The following CNGB3 variants were observed in gnomAD, a reference collection of about 807,000 sequenced individuals.
CNGB3 encodes cyclic nucleotide-gated channel beta-3.
CNGB3 carries 86 observed loss-of-function variants against 92.8 expected under a neutral mutation model. The ratio of observed to expected loss-of-function variants is 0.93; its 90% CI spans 0.78 to 1.11. The LOEUF (loss-of-function observed/expected upper bound fraction) is 1.11, where lower values mean the gene tolerates loss of function less well. Ranked by LOEUF, CNGB3 falls within the 50% of genes least tolerant of loss-of-function variation. The pLI is 0.00. For synonymous variants in CNGB3, 333 were observed against 332.7 expected (o/e 1.00, Z -0.01); for missense variants, 1,026 against 956.8 (o/e 1.07, Z -0.95).
intron 1 of CNGB3, among the ~76,000 whole-genome samples, chr8:86,743,098 G>A (rs1825369940): frequency 6.6e-6 from 1 of 152,056 alleles, no homozygotes; most frequent in African/African-American, 2.4e-5. Context: ...GCTCTCAATT[G>A]AGAGCCAATA....
chr8:86,630,889 G>T (rs1286404282), intron 11 of CNGB3, among the ~76,000 whole-genome samples: 1 of 152,098 alleles, frequency 6.6e-6, no homozygotes, highest in Admixed American at 6.6e-5. Context: ...AAAAAAGAGT[G>T]ATGATTAGTT....
In CNGB3 at chr8:86,628,229, C is replaced by T. The variant is rs545785206; in HGVS notation, c.1480+690G>A. Among the ~76,000 whole-genome samples the T allele has an allele frequency of 7.7e-4, 117 of 152,188 alleles. 1 individual carries two copies. In the South Asian group the frequency reaches 0.012, roughly 15 times the overall value. Reference sequence around the variant, plus strand: ...TTGCCTAGGCTGGAGTGTAGTGGTGCATCACCACATTCTGCTAATTTTTGT... The same window carrying T: ...TTGCCTAGGCTGGAGTGTAGTGGTGTATCACCACATTCTGCTAATTTTTGT... On this transcript the variant is annotated intron_variant, in intron 12 of 17. Transcript: ENST00000320005.
chr8:86,640,409 A>T (rs921185119), intron 10 of CNGB3, among the ~76,000 whole-genome samples: 1 of 152,094 alleles, frequency 6.6e-6, no homozygotes, highest in African/African-American at 2.4e-5. Context: ...TTTATCTGCC[A>T]TTCCAAGAAA....
At chr8:86,640,353 AATT>A (rs1444526707) in intron 10 of CNGB3, among the ~76,000 whole-genome samples, 1 of 152,098 alleles carries the variant, frequency 6.6e-6, no homozygotes, top group Non-Finnish European at 1.5e-5. Context: ...AGCAAAATGG[AATT>A]ACTCATGCTG....
At position 86,660,042 on chromosome 8, in the gene CNGB3, C is replaced by A. The variant is rs941708369; in HGVS notation, c.853-5980G>T. ...GGTGCCGCCATGCTAGTGAGACTGG[C>A]ACCAGGGGAAGAGACACCACCAGCT... is the stretch of plus-strand genomic sequence containing the variant. On this transcript the variant is annotated intron_variant, in intron 6 of 17. Transcript: ENST00000320005. 18 of 331,834 alleles carry A rather than the reference C, an allele frequency of 5.4e-5. No individual in the cohort carries two copies. In the Admixed American group the frequency reaches 7.0e-4, roughly 13 times the overall value. 20.6% of individuals were successfully genotyped at this position (331,834 alleles called of 1,614,324 possible). A position where few individuals can be genotyped will look rare whatever the true frequency, so the allele number is the denominator to read the frequency against.
chr8:86,725,021 G>T (rs527999137), intron 3 of CNGB3, among the ~76,000 whole-genome samples: 1 of 152,068 alleles, frequency 6.6e-6, no homozygotes, highest in African/African-American at 2.4e-5. Context: ...TAATTGAAAG[G>T]TTTCCACTTC....
intron 11 of CNGB3, 58 bp from the exon 12 acceptor site, chr8:86,629,136 C>G: frequency 1.3e-6 from 2 of 1,570,016 alleles, no homozygotes; most frequent in Non-Finnish European, 1.8e-6. Flanking sequence ...TAATAAAAGT[C>G]AAATTACATG....
chr8:86,586,537 C>G (rs1563715863), intron 15 of CNGB3, among the ~76,000 whole-genome samples: 1 of 142,056 alleles, frequency 7.0e-6, no homozygotes, highest in Admixed American at 7.4e-5. Context: ...CTTCCTGTGT[C>G]CATGTGATCT....
intron 3 of CNGB3, among the ~76,000 whole-genome samples, chr8:86,676,704 C>A (rs559770909): frequency 2.0e-5 from 3 of 152,074 alleles, no homozygotes; most frequent in Non-Finnish European, 4.4e-5. Context: ...TTGTGTCCAC[C>A]TGGAACCTCA....
chr8:86,583,438 T>C (rs1401493164), intron 15 of CNGB3, among the ~76,000 whole-genome samples: 1 of 152,084 alleles, frequency 6.6e-6, no homozygotes, highest in Non-Finnish European at 1.5e-5. Context: ...ACCATTAAAC[T>C]TTAAAAAATA....
intron 12 of CNGB3, among the ~76,000 whole-genome samples, chr8:86,627,749 C>T (rs374621254): frequency 2.0e-5 from 3 of 152,186 alleles, no homozygotes; most frequent in South Asian, 4.1e-4. Context: ...CTCATGGAAG[C>T]AATTGTGTGC....
intron 10 of CNGB3, among the ~76,000 whole-genome samples, chr8:86,642,073 A>G (rs1823199496): frequency 6.6e-6 from 1 of 151,628 alleles, no homozygotes; most frequent in Admixed American, 6.6e-5. Context: ...ATATACCTAT[A>G]TATTGTCTAT....
At position 86,596,315 on chromosome 8, in the gene CNGB3, A is replaced by G. The variant is rs2131552071; in HGVS notation, c.1781+7778T>C. On this transcript the variant is annotated intron_variant, in intron 15 of 17. Transcript: ENST00000320005. The stretch of plus-strand genomic sequence containing the variant: ...AATTGGTTCAATTTTTTTCTGGAAA[A>G]TAATCTGCCCATATATTACAAGAGT... Among the ~76,000 whole-genome samples, 4 of 152,352 alleles carry G rather than the reference A, an allele frequency of 2.6e-5. 1 individual carries two copies. Among genetic ancestry groups the G allele is most frequent in the Admixed American group, 2.6e-4 (4 of 15,298 alleles).
In CNGB3 at chr8:86,693,352, C is replaced by G. The variant is rs1258877102; in HGVS notation, c.339-22254G>C. On this transcript the variant is annotated intron_variant, in intron 3 of 17. Coordinates refer to ENST00000320005, the MANE Select transcript of CNGB3 (RefSeq NM_019098.5). ...AAACTTTTGGATTTCTCTTCTTACT[C>G]AGGAACAACAATTATGTTTTGTTGT... Among the ~76,000 whole-genome samples the G allele has an allele frequency of 1.5e-4, 23 of 151,752 alleles. 1 individual carries two copies. The highest frequency in any genetic ancestry group is 1.5e-3 in the Admixed American group (23 of 15,244).
chr8:86,705,499 G>C (rs1330986183), intron 3 of CNGB3, among the ~76,000 whole-genome samples: 2 of 151,984 alleles, frequency 1.3e-5, no homozygotes, highest in Admixed American at 6.6e-5. Context: ...AGGTTACAGA[G>C]TTTAACATGG....
chr8:86,643,463 T>TTTC (rs1823231251), intron 10 of CNGB3, among the ~76,000 whole-genome samples: 2 of 151,474 alleles, frequency 1.3e-5, no homozygotes, highest in African/African-American at 4.8e-5. Context: ...CTCTGTTATC[T>TTTC]TTCCACTCTC....
At chr8:86,737,063 G>A (rs751183672) in intron 2 of CNGB3, among the ~76,000 whole-genome samples, 13 of 152,070 alleles carry the variant, frequency 8.5e-5, no homozygotes, top group Non-Finnish European at 1.8e-4. Context: ...GGAAGATACT[G>A]TTTTCCATCT....
intron 15 of CNGB3, among the ~76,000 whole-genome samples, chr8:86,587,470 G>A (rs969611008): frequency 6.6e-6 from 1 of 152,084 alleles, no homozygotes. Flanking sequence ...GATGGTTTTA[G>A]GTCTAACGTT....
Position 86,578,864 on chromosome 8 carries a change from C to T in CNGB3, c.1929-1G>A, listed in dbSNP as rs750257554. The T allele has an allele frequency of 5.0e-6, 8 of 1,614,026 alleles. No homozygotes were observed. Among genetic ancestry groups the T allele is most frequent in the Non-Finnish European group, 6.8e-6 (8 of 1,180,030 alleles). On this transcript the variant is annotated splice_acceptor_variant, in intron 16 of 17. Coordinates refer to ENST00000320005, the MANE Select transcript of CNGB3 (RefSeq NM_019098.5). LOFTEE classifies it high-confidence loss of function. ...CTTAGCCTTCTGCTTTAAAAGCACT[C>T]TGTGGGTAAGAGAGAAAAGCTGTTT...
Sources: allele counts gnomAD v4.1 joint callset (sites outside exome capture counted in the v4.1 genomes callset), GRCh38; gene constraint gnomAD v4.1.1; transcripts MANE v1.5; gene names NCBI Gene and HGNC (gene_info 2026-07-23, HGNC 2026-07-21).